Variants in PSMD13 observed in about 807,000 individuals in gnomAD.
PSMD13 encodes 26S proteasome non-ATPase regulatory subunit 13.
A neutral mutation model predicts 57.4 loss-of-function variants in PSMD13; 8 were observed. That is an observed-to-expected ratio of 0.14 (90% CI 0.08 to 0.25). The LOEUF (loss-of-function observed/expected upper bound fraction) is 0.25. PSMD13 is among the 10% of genes least tolerant of loss of function. The pLI, the probability that PSMD13 is intolerant of heterozygous loss-of-function variation, is 1.00. For synonymous variants in PSMD13, 193 were observed against 168.2 expected (o/e 1.15, Z -1.14); for missense variants, 400 against 461.5 (o/e 0.87, Z 1.22).
At chr11:242,518 C>T (rs1424056945) in intron 2 of PSMD13, among the ~76,000 whole-genome samples, 1 of 151,482 alleles carries the variant, frequency 6.6e-6, no homozygotes, top group Non-Finnish European at 1.5e-5. Flanking sequence ...TTGTACAGTC[C>T]ATTGTCCATT....
At position 251,903 on chromosome 11, in the gene PSMD13, C is replaced by T. The variant is rs1859772140; in HGVS notation, c.1002C>T (p.Thr334=). 6.2e-7 allele frequency: 1 copy of T among 1,614,004 alleles called. No individual in the cohort carries two copies. Among genetic ancestry groups the T allele is most frequent in the Non-Finnish European group, 8.5e-7 (1 of 1,179,988 alleles). The change falls in exon 12 of 13, where the codon ACC becomes ACT. Residue 334 remains threonine (T), a synonymous_variant. Transcript: ENST00000532097. This position sits in a 1 kb window ranked among gnomAD's most constrained non-coding sequence, Gnocchi z 4.6. The stretch of plus-strand genomic sequence containing the variant: ...AGGTGGACAAACGAGTCCACATGAC[C>T]TGGGTGCAGCCCCGAGTGTTGGATT... The part of the protein sequence containing the change: ...IDEVDKRVHM[T]WVQPRVLDLQ...
rs553791850 is a variant in PSMD13 at position 249,758 on chromosome 11, T to A, written c.774+701T>A. ...GGCTTGAGCTTTAATGATAAGTATG[T>A]TCTTTTTTAATGAGATTATTAGAAG... On this transcript the variant is annotated intron_variant, in intron 9 of 12. Coordinates refer to ENST00000532097, the MANE Select transcript of PSMD13 (RefSeq NM_002817.4). 6.8e-4 allele frequency among the ~76,000 whole-genome samples: 104 copies of A among 152,294 alleles called. 1 individual carries two copies. The South Asian group carries it at 0.02, about 29-fold the overall frequency.
At chr11:239,284 A>G (rs771249119) in intron 2 of PSMD13, among the ~76,000 whole-genome samples, 2 of 152,188 alleles carry the variant, frequency 1.3e-5, no homozygotes, top group Non-Finnish European at 2.9e-5. Context: ...AGAAGCAAAC[A>G]TAAGACTTTA....
Position 237,063 on chromosome 11 carries a change from C to T in PSMD13, c.14C>T (p.Pro5Leu), listed in dbSNP as rs1267034263. 3.1e-6 allele frequency: 5 copies of T among 1,613,672 alleles called. No individual in the cohort carries two copies. The highest frequency in any genetic ancestry group is 2.7e-5 in the African/African-American group (2 of 74,928). The change falls in exon 1 of 13, where the codon CCG becomes CTG. Residue 5 changes from proline to leucine, a missense_variant. Coordinates refer to ENST00000532097, the MANE Select transcript of PSMD13 (RefSeq NM_002817.4). MKDV[P>L]GFLQQSQNSG... Reference sequence around the variant, plus strand: ...CTTCCTGCTGTCATGAAGGACGTACCGGGCTTCCTACAGCAGAGCCAGAAC... The same window carrying T: ...CTTCCTGCTGTCATGAAGGACGTACTGGGCTTCCTACAGCAGAGCCAGAAC...
intron 6 of PSMD13, 86 bp downstream of exon 6, chr11:244,847 TG>T (rs879413567): frequency 1.2e-5 from 13 of 1,110,002 alleles, no homozygotes; most frequent in Non-Finnish European, 1.5e-5. Context: ...TCTTCTTTAC[TG>T]TTTATTTTAA....
At position 252,586 on chromosome 11, in the gene PSMD13, G is replaced by A; in HGVS notation, c.1117G>A (p.Asp373Asn). The A allele has an allele frequency of 6.2e-7, 1 of 1,614,178 alleles. No homozygotes were observed. The highest frequency in any genetic ancestry group is 8.5e-7 in the Non-Finnish European group (1 of 1,180,020). Residue 373 changes from aspartate to asparagine, a missense_variant, in exon 13 of 13, where the codon GAC becomes AAC. Transcript: ENST00000532097. This position sits in a 1 kb window ranked among gnomAD's most constrained non-coding sequence, Gnocchi z 4.1. ...GATGCTGGTGGAGCACCAGGCCCAT[G>A]ACATCCTCACCTAGGGCCCCCTGGT... is the stretch of plus-strand genomic sequence containing the variant. ...MEMLVEHQAH[D>N]ILT is the part of the protein sequence containing the mutation.
Position 248,871 on chromosome 11 carries a change from G to A in PSMD13, c.648+16G>A, listed in dbSNP as rs151209793. Reference sequence around the variant, plus strand: ...TGGAGAACTCGTAAGTTGACCCTGAGCTCAGCTTCCTTAACGAGAGAGACT... The same window carrying A: ...TGGAGAACTCGTAAGTTGACCCTGAACTCAGCTTCCTTAACGAGAGAGACT... On this transcript the variant is annotated intron_variant, in intron 8 of 12. Transcript: ENST00000532097. The A allele has an allele frequency of 4.4e-4, 709 of 1,614,138 alleles. 1 individual carries two copies. In the Middle Eastern group the frequency reaches 0.01, roughly 23 times the overall value.
chr11:244,458 A>T lies in PSMD13; in HGVS notation c.298A>T (p.Thr100Ser), dbSNP rs776470600. The T allele has an allele frequency of 6.2e-7, 1 of 1,607,704 alleles. No homozygotes were observed. Among genetic ancestry groups the T allele is most frequent in the Non-Finnish European group, 8.5e-7 (1 of 1,176,246 alleles). The part of the protein sequence containing the change: ...PNVALTFLEK[T>S]REKVKSSDEA... ...TGTGGCTCTTACTTTTCTGGAAAAG[A>T]CTCGTGAGAAGGTAAATGTGGCATG... The change falls in exon 5 of 13, where the codon ACT becomes TCT. Residue 100 changes from threonine to serine, a missense_variant. Coordinates refer to ENST00000532097, the MANE Select transcript of PSMD13 (RefSeq NM_002817.4).
intron 2 of PSMD13, among the ~76,000 whole-genome samples, chr11:240,867 T>G (rs7481518): frequency 0.79 from 120,228 of 151,750 alleles, 47,925 homozygotes; most frequent in African/African-American, 0.88. Context: ...GTTTCATTCT[T>G]ATCACCCAGG....
Position 248,756 on chromosome 11 carries a change from G to A in PSMD13, c.569-20G>A, listed in dbSNP as rs770146783. On this transcript the variant is annotated intron_variant, in intron 7 of 12. Coordinates refer to ENST00000532097, the MANE Select transcript of PSMD13 (RefSeq NM_002817.4). ...GATTATTATGACTGGATTGTAAGTG[G>A]GCCTGTGTTGCTACCATAGTGTCTG... 5.6e-6 allele frequency: 9 copies of A among 1,611,088 alleles called. No homozygotes were observed. The highest frequency in any genetic ancestry group is 1.1e-5 in the South Asian group (1 of 91,028).
intron 9 of PSMD13, among the ~76,000 whole-genome samples, 173 bp from the exon 10 acceptor site, chr11:250,630 A>C (rs1859749491): frequency 6.6e-6 from 1 of 152,242 alleles, no homozygotes; most frequent in African/African-American, 2.4e-5. Context: ...AGAAGAATGA[A>C]GCTCAGATCA....
At chr11:240,128 T>TTTTTTTTGC (rs869292581) in intron 2 of PSMD13, among the ~76,000 whole-genome samples, 1 of 141,614 alleles carries the variant, frequency 7.1e-6, no homozygotes, top group Non-Finnish European at 1.5e-5. Context: ...TTTTTTTTTT[T>TTTTTTTTGC]GACGGAGTTT....
intron 9 of PSMD13, 148 bp downstream of exon 9, chr11:249,205 AG>A: frequency 4.3e-6 from 5 of 1,158,444 alleles, no homozygotes; most frequent in Non-Finnish European, 4.8e-6. Flanking sequence ...CTCATAGAGC[AG>A]AGAGTTAAGT....
At chr11:238,801 C>T (rs1035085336) in intron 1 of PSMD13, among the ~76,000 whole-genome samples, 197 bp from the exon 2 acceptor site, 1 of 152,184 alleles carries the variant, frequency 6.6e-6, no homozygotes, top group East Asian at 1.9e-4. Flanking sequence ...ATCTGAGATG[C>T]TCCAGTGGTC....
chr11:252,884 G>T lies in PSMD13; in HGVS notation c.*284G>T. ...CCAGGCAGGAGGCCCCCTGAAGTCT[G>T]TGTACTCCGAGGTGGATCTCCATCC... On this transcript the variant is annotated 3_prime_UTR_variant, in exon 13 of 13. Transcript: ENST00000532097. This position sits in a 1 kb window ranked among gnomAD's most constrained non-coding sequence, Gnocchi z 4.1. 2.7e-6 allele frequency: 1 copy of T among 364,424 alleles called. No individual in the cohort carries two copies. Among genetic ancestry groups the T allele is most frequent in the South Asian group, 3.9e-5 (1 of 25,510 alleles). 22.6% of individuals were successfully genotyped at this position (364,424 alleles called of 1,614,324 possible).
intron 2 of PSMD13, among the ~76,000 whole-genome samples, chr11:240,101 C>CTGTTTTTTTT (rs1859481990): frequency 1.9e-5 from 1 of 51,412 alleles, no homozygotes; most frequent in East Asian, 7.6e-4. Context: ...ATGAGACCTG[C>CTGTTTTTTTT]TTTTTTTTTT....
At chr11:250,536 CT>C (rs1859748483) in intron 9 of PSMD13, among the ~76,000 whole-genome samples, 1 of 152,206 alleles carries the variant, frequency 6.6e-6, no homozygotes, top group African/African-American at 2.4e-5. Context: ...CTAATGGTGT[CT>C]GTAGCATTAA....
chr11:252,173 C>A lies in PSMD13; in HGVS notation c.1035+237C>A. ...AATGGCACTGGTTGTGCTGACGGTG[C>A]CTTTTAATCTTAAGATAGGAGCTCT... On this transcript the variant is annotated intron_variant, in intron 12 of 12. Transcript: ENST00000532097. This position sits in a 1 kb window ranked among gnomAD's most constrained non-coding sequence, Gnocchi z 4.1. 1 of 515,902 alleles carries A rather than the reference C, an allele frequency of 1.9e-6. No individual in the cohort carries two copies. Among genetic ancestry groups the A allele is most frequent in the Non-Finnish European group, 3.5e-6 (1 of 287,962 alleles). The allele number at this position is 515,902 out of a possible 1,614,324, so 32.0% of individuals were successfully genotyped here.
rs1342172787 is a variant in PSMD13, at chr11:252,208, C to T, written c.1035+272C>T. On this transcript the variant is annotated intron_variant, in intron 12 of 12. Coordinates refer to ENST00000532097, the MANE Select transcript of PSMD13 (RefSeq NM_002817.4). The surrounding 1 kb of genome is among the most constrained non-coding windows in gnomAD (Gnocchi z 4.1). Reference sequence around the variant, plus strand: ...TTAAGATAGGAGCTCTGATCAGATACGTTCCTGGTTCTGTGATTTGAGCTC... The same window carrying T: ...TTAAGATAGGAGCTCTGATCAGATATGTTCCTGGTTCTGTGATTTGAGCTC... The T allele has an allele frequency of 5.8e-6, 3 of 514,604 alleles. No homozygotes were observed. The highest frequency in any genetic ancestry group is 3.3e-5 in the Admixed American group (1 of 30,426). The allele number at this position is 514,604 out of a possible 1,614,324, so 31.9% of individuals were successfully genotyped here.
Sources: gnomAD v4.1 joint callset for allele counts (sites outside exome capture counted in the v4.1 genomes callset) on GRCh38, gnomAD v4.1.1 for gene constraint, Gnocchi (gnomAD v3.1) non-coding constraint, MANE v1.5 for transcripts, NCBI Gene and HGNC (gene_info 2026-07-23, HGNC 2026-07-21) for gene names.